ARHGAP5: variants seen among roughly 807,000 people sequenced by gnomAD.
The protein encoded by ARHGAP5 is Rho GTPase activating protein 5.
ARHGAP5 carries 23 observed loss-of-function variants against 116.6 expected under a neutral mutation model. That is an observed-to-expected ratio of 0.20 (90% CI 0.14 to 0.28). The LOEUF is 0.28. Among genes scored for constraint, ARHGAP5 ranks in the 10% least tolerant of loss-of-function variants. The pLI is 1.00. For missense variants in ARHGAP5, 1,405 were observed against 1,774.8 expected, an observed-to-expected ratio of 0.79 and a Z score of 3.74; for synonymous variants, 574 against 602.0, an observed-to-expected ratio of 0.95 and a Z score of 0.68.
chr14:32,106,460 A>G (rs1315085437), intron 2 of ARHGAP5, among the ~76,000 whole-genome samples: 2 of 152,196 alleles, frequency 1.3e-5, no homozygotes, highest in African/African-American at 4.8e-5. Flanking sequence ...TGTATGATGG[A>G]TCCAGTTTCT....
At chr14:32,123,229 C>CATCTT (rs1879978270) in intron 3 of ARHGAP5, among the ~76,000 whole-genome samples, 1 of 151,894 alleles carries the variant, frequency 6.6e-6, no homozygotes, top group South Asian at 2.1e-4. Flanking sequence ...GTTTCTGGAG[C>CATCTT]ATCTTAGCTC....
intron 1 of ARHGAP5, among the ~76,000 whole-genome samples, chr14:32,089,440 A>G (rs1430772702): frequency 6.6e-6 from 1 of 151,838 alleles, no homozygotes; most frequent in African/African-American, 2.4e-5. Flanking sequence ...GAGGTGGTGG[A>G]AATGATGCAG....
chr14:32,153,371 C>A, intron 6 of ARHGAP5, among the ~76,000 whole-genome samples: 1 of 102,042 alleles, frequency 9.8e-6, no homozygotes, highest in Admixed American at 1.5e-4. Context: ...CATGCCATTG[C>A]ACTTCAGTCT....
chr14:32,149,970 T>C lies in ARHGAP5; in HGVS notation c.4012T>C (p.Phe1338Leu). 6.2e-7 allele frequency: 1 copy of C among 1,608,774 alleles called. No individual in the cohort carries two copies. The highest frequency in any genetic ancestry group is 2.2e-5 in the East Asian group (1 of 44,472). The change falls in exon 5 of 7, where the codon TTT becomes CTT. Residue 1338 changes from phenylalanine (F) to leucine (L), a missense_variant. Phe to Leu is a conservative substitution (Grantham distance 22, BLOSUM62 0). Around this residue, in one of 6 missense-constraint regions of ARHGAP5, gnomAD observed 176 missense variants for 221.2 expected, o/e 0.80. Coordinates refer to ENST00000345122, the MANE Select transcript of ARHGAP5 (RefSeq NM_001030055.2). ...TGTAGCTGGAGCCCTTAAAGCTTTCTTTGCAGATCTGCCAGATCCTTTAAT... is the reference window on the plus strand; with the variant it reads ...TGTAGCTGGAGCCCTTAAAGCTTTCCTTGCAGATCTGCCAGATCCTTTAAT... ...NAVAGALKAF[F>L]ADLPDPLIPY...
At chr14:32,087,578 A>G (rs1017016397) in intron 1 of ARHGAP5, among the ~76,000 whole-genome samples, 3 of 145,918 alleles carry the variant, frequency 2.1e-5, no homozygotes, top group African/African-American at 7.7e-5. Flanking sequence ...AGTTGGAAGG[A>G]TTCTTCCAAC....
chr14:32,085,454 A>G (rs557414144), intron 1 of ARHGAP5, among the ~76,000 whole-genome samples: 76 of 152,284 alleles, frequency 5.0e-4, no homozygotes, highest in African/African-American at 1.7e-3. Flanking sequence ...CTATCTCAAA[A>G]ACAAACAAAA....
Position 32,091,733 on chromosome 14 carries a change from A to G in ARHGAP5, c.1064A>G (p.Glu355Gly). 1 of 1,613,350 alleles carries G rather than the reference A, an allele frequency of 6.2e-7. No homozygotes were observed. The highest frequency in any genetic ancestry group is 8.5e-7 in the Non-Finnish European group (1 of 1,179,586). Reference protein sequence around the residue: ...AFNTLLPNLEEIEHLNWSEAL... With the variant: ...AFNTLLPNLEGIEHLNWSEAL... ...AACACTCTTTTGCCAAATCTAGAAG[A>G]GATTGAACATTTGAATTGGTCAGAA... The change falls in exon 2 of 7, where the codon GAG becomes GGG. Residue 355 changes from glutamate (E) to glycine (G), a missense_variant. Coordinates refer to ENST00000345122, the MANE Select transcript of ARHGAP5 (RefSeq NM_001030055.2).
intron 2 of ARHGAP5, among the ~76,000 whole-genome samples, chr14:32,105,364 T>C (rs1566667069): frequency 1.3e-5 from 2 of 152,208 alleles, no homozygotes; most frequent in African/African-American, 2.4e-5. Context: ...TTGCTTCCGT[T>C]CCATTTTCAT....
intron 3 of ARHGAP5, among the ~76,000 whole-genome samples, chr14:32,134,458 A>G (rs895140163): frequency 3.3e-5 from 5 of 152,176 alleles, no homozygotes; most frequent in Admixed American, 6.5e-5. Flanking sequence ...CTCTTGCTCT[A>G]TTGATGTTAC....
rs567758535 is a variant in ARHGAP5, at chr14:32,158,519, T to G, written c.*3571T>G. The G allele has an allele frequency of 6.6e-6, 1 of 152,134 alleles. No homozygotes were observed. Among genetic ancestry groups the G allele is most frequent in the African/African-American group, 2.4e-5 (1 of 41,576 alleles). The allele number at this position is 152,134 out of a possible 1,614,324, so 9.4% of individuals were successfully genotyped here. ...TATTTGTGTCTTCATGGTTTGTGAC[T>G]ATTAGGCCAAATTTTGTGGTATATG... On this transcript the variant is annotated 3_prime_UTR_variant, in exon 7 of 7. Coordinates refer to ENST00000345122, the MANE Select transcript of ARHGAP5 (RefSeq NM_001030055.2).
chr14:32,091,474 G>A lies in ARHGAP5; in HGVS notation c.805G>A (p.Val269Ile). The change falls in exon 2 of 7, where the codon GTT becomes ATT. Residue 269 changes from valine to isoleucine, a missense_variant. Val to Ile is a conservative substitution (Grantham distance 29, BLOSUM62 3). This residue lies in a region of ARHGAP5 where 944 missense variants were observed against 1,095.3 expected (regional missense o/e 0.86). Coordinates refer to ENST00000345122, the MANE Select transcript of ARHGAP5 (RefSeq NM_001030055.2). ...LDAYKTQRQL[V>I]VTATDKFEKL... The stretch of plus-strand genomic sequence containing the variant: ...TGCTTATAAAACACAGAGACAACTT[G>A]TTGTCACAGCAACAGATAAGTTTGA... 1 of 1,613,052 alleles carries A rather than the reference G, an allele frequency of 6.2e-7. No individual in the cohort carries two copies. The highest frequency in any genetic ancestry group is 8.5e-7 in the Non-Finnish European group (1 of 1,179,522).
At chr14:32,121,415 C>T (rs1879883868) in intron 3 of ARHGAP5, among the ~76,000 whole-genome samples, 1 of 152,048 alleles carries the variant, frequency 6.6e-6, no homozygotes, top group Non-Finnish European at 1.5e-5. Flanking sequence ...AAGTGATATA[C>T]CACTTTAATG....
intron 2 of ARHGAP5, among the ~76,000 whole-genome samples, chr14:32,096,481 A>G (rs1163174129): frequency 1.1e-4 from 16 of 152,184 alleles, no homozygotes; most frequent in Non-Finnish European, 4.4e-5. Context: ...ATAAATAAGC[A>G]CTGAATAAAA....
chr14:32,079,757 G>C (rs1449039772), intron 1 of ARHGAP5, among the ~76,000 whole-genome samples: 1 of 152,104 alleles, frequency 6.6e-6, no homozygotes, highest in Non-Finnish European at 1.5e-5. Context: ...TGGCATAATA[G>C]AGATTTTCTT....
intron 4 of ARHGAP5, 85 bp from the exon 5 acceptor site, chr14:32,149,817 T>C (rs1881559772): frequency 1.9e-5 from 15 of 769,748 alleles, no homozygotes; most frequent in East Asian, 3.6e-5. Context: ...CTTAAAGTTA[T>C]CTTTTGATCT....
At position 32,155,483 on chromosome 14, in the gene ARHGAP5, A is replaced by G. The variant is rs1881852780; in HGVS notation, c.*535A>G. The stretch of plus-strand genomic sequence containing the variant: ...ATGTTGTTTGAAAGAAAGAAAAAAT[A>G]CACTTGACATATTTCACATTTCTGT... On this transcript the variant is annotated 3_prime_UTR_variant, in exon 7 of 7. Coordinates refer to ENST00000345122, the MANE Select transcript of ARHGAP5 (RefSeq NM_001030055.2). 1 of 153,046 alleles carries G rather than the reference A, an allele frequency of 6.5e-6. No individual in the cohort carries two copies. Among genetic ancestry groups the G allele is most frequent in the Admixed American group, 6.5e-5 (1 of 15,336 alleles). The allele number at this position is 153,046 out of a possible 1,614,324, so 9.5% of individuals were successfully genotyped here.
chr14:32,139,238 A>G (rs1042100686), intron 3 of ARHGAP5, among the ~76,000 whole-genome samples: 1 of 152,146 alleles, frequency 6.6e-6, no homozygotes, highest in Non-Finnish European at 1.5e-5. Context: ...TCACAGCTTC[A>G]TAGGAAGTGT....
At chr14:32,082,887 A>G (rs1348619701) in intron 1 of ARHGAP5, among the ~76,000 whole-genome samples, 2 of 152,242 alleles carry the variant, frequency 1.3e-5, no homozygotes. Context: ...TTTAGCCTGT[A>G]GTATTTGTCT....
At chr14:32,137,975 A>AAC (rs899685027) in intron 3 of ARHGAP5, among the ~76,000 whole-genome samples, 6 of 151,538 alleles carry the variant, frequency 4.0e-5, no homozygotes, top group African/African-American at 1.5e-4. Context: ...TCGTCTCAAA[A>AAC]AAAAAAAAAA....
Sources: allele counts gnomAD v4.1 joint callset (sites outside exome capture counted in the v4.1 genomes callset), GRCh38; gene constraint gnomAD v4.1.1; regional missense constraint gnomAD v4.1.1; transcripts MANE v1.5; gene names NCBI Gene and HGNC (gene_info 2026-07-23, HGNC 2026-07-21).